Variants in GRM5 observed in about 807,000 individuals in gnomAD.
The protein encoded by GRM5 is glutamate metabotropic receptor 5.
Under a neutral mutation model 83.1 loss-of-function variants are expected in GRM5, and 19 were observed. That is an observed-to-expected ratio of 0.23 (90% confidence interval 0.16 to 0.34). The LOEUF (loss-of-function observed/expected upper bound fraction) is 0.34, where lower values mean the gene tolerates loss of function less well. GRM5 is among the 10% of genes least tolerant of loss of function. The pLI is 1.00. For missense variants in GRM5, 1,160 were observed against 1,588.3 expected, an observed-to-expected ratio of 0.73 and a Z score of 4.58; for synonymous variants, 675 against 633.6, an observed-to-expected ratio of 1.07 and a Z score of -0.98.
chr11:88,987,224 T>C (rs1939753399), intron 2 of GRM5, among the ~76,000 whole-genome samples: 1 of 152,000 alleles, frequency 6.6e-6, no homozygotes, highest in Non-Finnish European at 1.5e-5. Context: ...GGATTTCCCT[T>C]TCCTAGTCAA....
intron 7 of GRM5, among the ~76,000 whole-genome samples, chr11:88,574,133 G>A (rs1166784828): frequency 6.6e-6 from 1 of 152,148 alleles, no homozygotes; most frequent in African/African-American, 2.4e-5. Context: ...GCACCCTGAT[G>A]ATAGGGAGTT....
intron 2 of GRM5, among the ~76,000 whole-genome samples, chr11:89,026,173 TAGG>T (rs1331675420): frequency 6.6e-6 from 1 of 151,880 alleles, no homozygotes; most frequent in Non-Finnish European, 1.5e-5. Flanking sequence ...GGGTGGAGGG[TAGG>T]AGGAGGGAGA....
At chr11:88,544,071 T>C (rs1278060423) in intron 8 of GRM5, among the ~76,000 whole-genome samples, 3 of 151,776 alleles carry the variant, frequency 2.0e-5, no homozygotes, top group African/African-American at 7.3e-5. Flanking sequence ...ACTCTCTCTC[T>C]CTCTCACACA....
At chr11:88,904,128 A>G (rs1316249309) in intron 2 of GRM5, among the ~76,000 whole-genome samples, 1 of 152,156 alleles carries the variant, frequency 6.6e-6, no homozygotes, top group Non-Finnish European at 1.5e-5. Flanking sequence ...CATTCGGGGA[A>G]GGGCAGAGAG....
At chr11:88,986,305 T>C (rs941524591) in intron 2 of GRM5, among the ~76,000 whole-genome samples, 11 of 152,118 alleles carry the variant, frequency 7.2e-5, no homozygotes, top group African/African-American at 2.7e-4. Context: ...ACTATAGAGA[T>C]GGAGAACAGA....
At chr11:88,798,594 T>C (rs537393066) in intron 3 of GRM5, among the ~76,000 whole-genome samples, 1 of 152,134 alleles carries the variant, frequency 6.6e-6, no homozygotes, top group Admixed American at 6.6e-5. Flanking sequence ...GTTATGTATT[T>C]TCCCCAGGTT....
intron 3 of GRM5, among the ~76,000 whole-genome samples, chr11:88,680,079 T>C (rs1416102289): frequency 1.3e-5 from 2 of 152,136 alleles, no homozygotes; most frequent in African/African-American, 4.8e-5. Flanking sequence ...ATCAAACTAA[T>C]TTTTTTAATT....
At chr11:88,965,526 T>C (rs977262542) in intron 2 of GRM5, among the ~76,000 whole-genome samples, 3 of 152,124 alleles carry the variant, frequency 2.0e-5, no homozygotes, top group Admixed American at 6.6e-5. Context: ...CTACATTAAA[T>C]ATATAGCCTT....
At chr11:88,925,231 CTG>C (rs1384897944) in intron 2 of GRM5, among the ~76,000 whole-genome samples, 2 of 152,098 alleles carry the variant, frequency 1.3e-5, no homozygotes, top group African/African-American at 4.8e-5. Context: ...AAAATGGCCA[CTG>C]TGTCTCTATG....
chr11:88,658,063 G>A (rs1055881152), intron 3 of GRM5, among the ~76,000 whole-genome samples: 5 of 152,156 alleles, frequency 3.3e-5, no homozygotes, highest in Non-Finnish European at 5.9e-5. Flanking sequence ...AGCAGGAGGT[G>A]AGCCCTGGGT....
At chr11:88,639,175 G>T (rs1024196652) in intron 4 of GRM5, among the ~76,000 whole-genome samples, 1 of 152,048 alleles carries the variant, frequency 6.6e-6, no homozygotes, top group Non-Finnish European at 1.5e-5. Flanking sequence ...CCATATGATT[G>T]CTGGGAACAG....
chr11:88,527,857 T>C (rs1325575259), intron 8 of GRM5, among the ~76,000 whole-genome samples: 2 of 152,036 alleles, frequency 1.3e-5, no homozygotes, highest in East Asian at 3.9e-4. Flanking sequence ...GTACTTCATG[T>C]TTTCATTTAT....
intron 4 of GRM5, among the ~76,000 whole-genome samples, chr11:88,610,979 C>G (rs1296022624): frequency 1.3e-5 from 2 of 152,018 alleles, no homozygotes. Flanking sequence ...GAGATGATCA[C>G]TTGGTTTTTG....
chr11:88,931,434 C>T (rs1194406844), intron 2 of GRM5, among the ~76,000 whole-genome samples: 1 of 26,956 alleles, frequency 3.7e-5, no homozygotes, highest in Admixed American at 5.9e-4. Context: ...ATTGAAAGAA[C>T]CAAAGTAAAA....
intron 8 of GRM5, among the ~76,000 whole-genome samples, chr11:88,555,159 A>C (rs1192041655): frequency 6.6e-6 from 1 of 152,170 alleles, no homozygotes. Flanking sequence ...AAACAGAGTT[A>C]ATAATATCTG....
chr11:88,847,043 C>T (rs192313077), intron 3 of GRM5, among the ~76,000 whole-genome samples: 1 of 152,058 alleles, frequency 6.6e-6, no homozygotes, highest in African/African-American at 2.4e-5. Context: ...ATTGTGTCAT[C>T]CAAATTTTGG....
chr11:88,841,014 C>T (rs1319847576), intron 3 of GRM5, among the ~76,000 whole-genome samples: 2 of 152,152 alleles, frequency 1.3e-5, no homozygotes, highest in Non-Finnish European at 2.9e-5. Flanking sequence ...TATCTTTTCC[C>T]TTCAATGCTA....
intron 2 of GRM5, among the ~76,000 whole-genome samples, chr11:88,930,914 T>C (rs1471040091): frequency 1.4e-5 from 2 of 146,900 alleles, no homozygotes; most frequent in African/African-American, 5.1e-5. Flanking sequence ...ACCATTTCAA[T>C]TCTAGATGAA....
At chr11:88,593,401 G>C (rs1036763794) in intron 6 of GRM5, among the ~76,000 whole-genome samples, 9 of 151,996 alleles carry the variant, frequency 5.9e-5, no homozygotes, top group African/African-American at 2.2e-4. Flanking sequence ...TAATAGGCTG[G>C]GTGCAGTGGC....
Sources: gnomAD v4.1 joint callset for allele counts (sites outside exome capture counted in the v4.1 genomes callset) on GRCh38, gnomAD v4.1.1 for gene constraint, MANE v1.5 for transcripts, NCBI Gene and HGNC (gene_info 2026-07-23, HGNC 2026-07-21) for gene names.